INKA2: variants seen among roughly 807,000 people sequenced by gnomAD.
INKA2 encodes PAK4-inhibitor INKA2.
In INKA2, 3 loss-of-function variants were observed where a neutral mutation model predicts 9.8. The ratio of observed to expected loss-of-function variants is 0.31; its 90% CI spans 0.14 to 0.79. The LOEUF is 0.79. Ranked by LOEUF, INKA2 falls within the 30% of genes least tolerant of loss-of-function variation. The pLI, the probability that INKA2 is intolerant of heterozygous loss-of-function variation, is 0.62. For missense variants in INKA2, 392 were observed against 384.4 expected (o/e 1.02, Z -0.17); for synonymous variants, 147 against 143.3 (o/e 1.03, Z -0.18).
chr1:111,728,262 T>C (rs1221481876), intron 1 of INKA2, among the ~76,000 whole-genome samples: 4 of 152,168 alleles, frequency 2.6e-5, no homozygotes, highest in African/African-American at 9.7e-5. Flanking sequence ...CCTGAAATGA[T>C]GACAGTGATG....
At chr1:111,746,830 T>G (rs1235275993) in intron 1 of INKA2, 1 of 152,130 alleles carries the variant, frequency 6.6e-6, no homozygotes, top group Non-Finnish European at 1.5e-5. Flanking sequence ...GTGAGGGGTG[T>G]GCTGGAACCA....
chr1:111,735,189 A>G (rs1463786534), intron 1 of INKA2, among the ~76,000 whole-genome samples: 5 of 152,232 alleles, frequency 3.3e-5, no homozygotes, highest in Admixed American at 1.3e-4. Flanking sequence ...TGTTCCCTGA[A>G]GACAGGATCT....
At chr1:111,741,145 A>G (rs1310250568), upstream of INKA2, among the ~76,000 whole-genome samples, 1 of 152,020 alleles carries the variant, frequency 6.6e-6, no homozygotes, top group African/African-American at 2.4e-5. Context: ...ATTAATCTTT[A>G]GAAGAGTTTG....
At chr1:111,753,225 G>C (rs1424457043) in intron 1 of INKA2, 1 of 152,166 alleles carries the variant, frequency 6.6e-6, no homozygotes, top group Non-Finnish European at 1.5e-5. Context: ...GGGCTAGTTG[G>C]GTCTGGTTGG....
rs1251001819 is a variant in INKA2 at position 111,724,599 on chromosome 1, ACCACCACTAC to A, written c.*2359_*2368del. On this transcript the variant is annotated 3_prime_UTR_variant, in exon 2 of 2. Coordinates refer to ENST00000357260, the MANE Select transcript of INKA2 (RefSeq NM_019099.5). ...CACACACACACACACACACACACAC[ACCACCACTAC>A]CACCACCACCACCACCACCTCCACC... The A allele has an allele frequency of 6.9e-6, 1 of 144,148 alleles. No individual in the cohort carries two copies. Among genetic ancestry groups the A allele is most frequent in the East Asian group, 2.0e-4 (1 of 4,896 alleles). The allele number at this position is 144,148 out of a possible 1,614,324, so 8.9% of individuals were successfully genotyped here.
chr1:111,750,635 C>G (rs780696072), intron 1 of INKA2, among the ~76,000 whole-genome samples: 19 of 152,196 alleles, frequency 1.2e-4, no homozygotes, highest in Non-Finnish European at 1.5e-4. Flanking sequence ...GTCCTAGGAA[C>G]TGCTAGATCT....
intron 1 of INKA2, among the ~76,000 whole-genome samples, chr1:111,730,348 A>G (rs1439889014): frequency 6.6e-6 from 1 of 152,016 alleles, no homozygotes; most frequent in Non-Finnish European, 1.5e-5. Context: ...TTCTCCATTC[A>G]ACTACCCCTG....
rs953774246 is a variant in INKA2, at chr1:111,726,728, C to G, written c.*240G>C. Reference sequence around the variant, plus strand: ...ACACACATGCACACACACACACACACACGCACAGCTCACTCTCCAGCTACT... The same window carrying G: ...ACACACATGCACACACACACACACAGACGCACAGCTCACTCTCCAGCTACT... On this transcript the variant is annotated 3_prime_UTR_variant, in exon 2 of 2. Coordinates refer to ENST00000357260, the MANE Select transcript of INKA2 (RefSeq NM_019099.5). The G allele has an allele frequency of 8.7e-6, 5 of 571,862 alleles. No homozygotes were observed. In the African/African-American group the frequency reaches 9.4e-5, roughly 11 times the overall value. The allele number at this position is 571,862 out of a possible 1,614,324, so 35.4% of individuals were successfully genotyped here.
chr1:111,735,433 T>G (rs1662991038), intron 1 of INKA2, among the ~76,000 whole-genome samples: 1 of 152,210 alleles, frequency 6.6e-6, no homozygotes, highest in Non-Finnish European at 1.5e-5. Context: ...AGTAGCCGTA[T>G]AGAGTAGGTA....
At position 111,727,160 on chromosome 1, in the gene INKA2, TGTCACCCAGCCTGGCTTCTCCTTCA is replaced by T. The variant is rs1210216797; in HGVS notation, c.677_701del (p.Leu226HisfsTer67). 6.2e-7 allele frequency: 1 copy of T among 1,614,062 alleles called. No individual in the cohort carries two copies. The highest frequency in any genetic ancestry group is 2.2e-5 in the East Asian group (1 of 44,874). The stretch of plus-strand genomic sequence containing the variant: ...CGGTTCGGGACTCAGGGACCATGGG[TGTCACCCAGCCTGGCTTCTCCTTCA>T]GCAGCCGGTCACGGTCAGGCCGCAC... On this transcript the variant is annotated frameshift_variant, in exon 2 of 2. Transcript: ENST00000357260. LOFTEE classifies it high-confidence loss of function.
Position 111,727,766 on chromosome 1 carries a change from C to G in INKA2, c.96G>C (p.Gln32His). The part of the protein sequence containing the change: ...MKEVGDGLQD[Q>H]MNCMMGALQE... ...GCAGTGCACCCATCATGCAGTTCAT[C>G]TGATCCTGTAAGCCATCACCCACCT... Residue 32 changes from glutamine to histidine, a missense_variant, in exon 2 of 2, where the codon CAG (glutamine) becomes CAC (histidine). By Grantham distance (24) the Gln-to-His change is conservative. Coordinates refer to ENST00000357260, the MANE Select transcript of INKA2 (RefSeq NM_019099.5). 6.2e-7 allele frequency: 1 copy of G among 1,611,012 alleles called. No individual in the cohort carries two copies. The highest frequency in any genetic ancestry group is 8.5e-7 in the Non-Finnish European group (1 of 1,180,018).
chr1:111,727,446 T>C lies in INKA2; in HGVS notation c.416A>G (p.Asp139Gly), dbSNP rs1557908584. The C allele has an allele frequency of 1.7e-5, 28 of 1,614,194 alleles. No homozygotes were observed. The highest frequency in any genetic ancestry group is 2.3e-5 in the Non-Finnish European group (27 of 1,180,032). ...AQQGPERVEP[D>G]DWTSTLMSRG... ...GGACATCAACGTGGAGGTCCAGTCA[T>C]CCGGTTCCACTCGCTCTGGCCCCTG... Residue 139 changes from aspartate (D) to glycine (G), a missense_variant, in exon 2 of 2, where the codon GAT becomes GGT. Physicochemically the swap from Asp to Gly is moderately conservative, Grantham distance 94 (BLOSUM62 -1). Transcript: ENST00000357260.
upstream of INKA2, among the ~76,000 whole-genome samples, chr1:111,742,788 G>A (rs914467807): frequency 5.3e-5 from 8 of 152,374 alleles, no homozygotes; most frequent in East Asian, 3.9e-4. Context: ...ACAAGTCTGA[G>A]GTGGTATCAC....
chr1:111,732,440 A>C (rs769199809), intron 1 of INKA2, among the ~76,000 whole-genome samples: 6 of 152,040 alleles, frequency 3.9e-5, no homozygotes, highest in Non-Finnish European at 8.8e-5. Context: ...TTGGAGCCTC[A>C]GGTTCTTCCT....
Position 111,729,524 on chromosome 1 carries a change from G to C in INKA2, c.58-1720C>G, listed in dbSNP as rs182216219. Reference sequence around the variant, plus strand: ...TTTGGAGGCTGCAGCGGGGCGGGGTGGGGGCTGTGTCTGATAACATTCACA... The same window carrying C: ...TTTGGAGGCTGCAGCGGGGCGGGGTCGGGGCTGTGTCTGATAACATTCACA... On this transcript the variant is annotated intron_variant, in intron 1 of 1. Coordinates refer to ENST00000357260, the MANE Select transcript of INKA2 (RefSeq NM_019099.5). Among the ~76,000 whole-genome samples the C allele has an allele frequency of 2.9e-3, 443 of 152,334 alleles. 3 individuals carry two copies. The highest frequency in any genetic ancestry group is 0.01 in the Middle Eastern group (3 of 294).
rs1375010295 is a variant in INKA2 at position 111,739,286 on chromosome 1, G to A, written c.-44C>T. On this transcript the variant is annotated 5_prime_UTR_variant, in exon 1 of 2. Transcript: ENST00000357260. ...CGGTTCAAACAGAGAGGGCCCGGGT[G>A]AAACCCCGGCCCCACTGGAAACTGC... The A allele has an allele frequency of 3.1e-6, 5 of 1,611,490 alleles. No individual in the cohort carries two copies. The highest frequency in any genetic ancestry group is 2.2e-5 in the South Asian group (2 of 90,828).
chr1:111,723,784 C>T lies in INKA2; in HGVS notation c.*3184G>A, dbSNP rs1277147734. 2.0e-5 allele frequency: 3 copies of T among 152,502 alleles called. No homozygotes were observed. Among genetic ancestry groups the T allele is most frequent in the Non-Finnish European group, 4.4e-5 (3 of 68,210 alleles). 9.4% of individuals were successfully genotyped at this position (152,502 alleles called of 1,614,324 possible). ...CCTCCACTTCAGTAAAATACAGCCT[C>T]TGTCATTGCCATGGCAGGTGTCCAG... On this transcript the variant is annotated 3_prime_UTR_variant, in exon 2 of 2. Transcript: ENST00000357260.
At chr1:111,755,545 G>C in intron 1 of INKA2, 1 of 793,888 alleles carries the variant, frequency 1.3e-6, no homozygotes, top group Non-Finnish European at 1.9e-6. Flanking sequence ...CACGAGACGG[G>C]GGCGTGACGC....
rs1380017683 is a variant in INKA2 at position 111,724,771 on chromosome 1, T to C, written c.*2197A>G. Reference sequence around the variant, plus strand: ...GCTTGCTCAGTTGGCAAACTCCAGGTAGAGAAATAGCAAGAAAAGGACAGG... The same window carrying C: ...GCTTGCTCAGTTGGCAAACTCCAGGCAGAGAAATAGCAAGAAAAGGACAGG... On this transcript the variant is annotated 3_prime_UTR_variant, in exon 2 of 2. Coordinates refer to ENST00000357260, the MANE Select transcript of INKA2 (RefSeq NM_019099.5). 6.6e-6 allele frequency: 1 copy of C among 152,182 alleles called. No individual in the cohort carries two copies. The highest frequency in any genetic ancestry group is 1.5e-5 in the Non-Finnish European group (1 of 68,042). The allele number at this position is 152,182 out of a possible 1,614,324, so 9.4% of individuals were successfully genotyped here.
Sources: gnomAD v4.1 joint callset for allele counts (sites outside exome capture counted in the v4.1 genomes callset) on GRCh38, gnomAD v4.1.1 for gene constraint, MANE v1.5 for transcripts, NCBI Gene and HGNC (gene_info 2026-07-23, HGNC 2026-07-21) for gene names.